USP39: variants seen among roughly 807,000 people sequenced by gnomAD.
USP39 encodes ubiquitin specific peptidase 39.
In USP39, 38 loss-of-function variants were observed where a neutral mutation model predicts 66.4. That is an observed-to-expected ratio of 0.57 (90% CI 0.44 to 0.75). USP39 has a LOEUF of 0.75. Ranked by LOEUF, USP39 falls within the 30% of genes least tolerant of loss-of-function variation. The pLI is 0.00. For missense variants in USP39, 608 were observed against 714.4 expected (o/e 0.85, Z 1.70); for synonymous variants, 303 against 274.6 (o/e 1.10, Z -1.02).
chr2:85,643,083 A>G (rs934946059), intron 10 of USP39, among the ~76,000 whole-genome samples: 3 of 152,100 alleles, frequency 2.0e-5, no homozygotes, highest in Admixed American at 1.3e-4. Flanking sequence ...CTAAAAAAAA[A>G]AAAAAAATGA....
chr2:85,621,245 A>G (rs1674434259), intron 2 of USP39: 2 of 399,594 alleles, frequency 5.0e-6, no homozygotes, highest in Admixed American at 3.7e-5. Context: ...ACTGGTTACA[A>G]ACACTAATGA....
chr2:85,603,507 T>C (rs928361483), intron 1 of USP39, among the ~76,000 whole-genome samples: 2 of 151,248 alleles, frequency 1.3e-5, no homozygotes, highest in Non-Finnish European at 2.9e-5. Context: ...CAGGATAGTG[T>C]GGGAAAAATT....
chr2:85,641,156 G>T, intron 10 of USP39, 38 bp downstream of exon 10: 1 of 1,605,854 alleles, frequency 6.2e-7, no homozygotes, highest in South Asian at 1.1e-5. Context: ...CACGGGGAGT[G>T]AACCTGGATT....
intron 2 of USP39, among the ~76,000 whole-genome samples, chr2:85,619,634 T>C (rs1414244282): frequency 6.6e-6 from 1 of 151,486 alleles, no homozygotes; most frequent in Non-Finnish European, 1.5e-5. Flanking sequence ...GTTTGAAAGC[T>C]GAGGTAGTTT....
intron 6 of USP39, among the ~76,000 whole-genome samples, chr2:85,634,525 A>T: frequency 6.6e-6 from 1 of 152,140 alleles, no homozygotes; most frequent in Admixed American, 6.5e-5. Context: ...AGTGAGCTGA[A>T]GTTGCATCAC....
chr2:85,626,871 C>G (rs1674906902), intron 5 of USP39, among the ~76,000 whole-genome samples: 1 of 151,966 alleles, frequency 6.6e-6, no homozygotes, highest in Non-Finnish European at 1.5e-5. Flanking sequence ...GCGCCTGCCA[C>G]TGTGCCTGGC....
intron 5 of USP39, among the ~76,000 whole-genome samples, chr2:85,630,120 C>G (rs1181386230): frequency 6.6e-6 from 1 of 151,660 alleles, no homozygotes; most frequent in African/African-American, 2.4e-5. Flanking sequence ...CACCACCCCC[C>G]ACACTCTTTC....
At chr2:85,606,667 A>G (rs1487498697) in intron 1 of USP39, 1 of 152,256 alleles carries the variant, frequency 6.6e-6, no homozygotes, top group Non-Finnish European at 1.5e-5. Context: ...CTCAAGAAAA[A>G]AAGTTTAATA....
chr2:85,608,765 C>T, upstream of USP39: 1 of 249,114 alleles, frequency 4.0e-6, no homozygotes, highest in South Asian at 7.1e-5. Context: ...AATGGGTCAA[C>T]ATATAAGAAA....
At chr2:85,630,641 A>C in intron 5 of USP39, 80 bp from the exon 6 acceptor site, 1 of 1,370,536 alleles carries the variant, frequency 7.3e-7, no homozygotes, top group Non-Finnish European at 1.0e-6. Flanking sequence ...AAATTCTATT[A>C]GGAGAACTTT....
In USP39 at chr2:85,645,050, C is replaced by T. The variant is rs764885741; in HGVS notation, c.1530C>T (p.Ser510=). 3.3e-5 allele frequency: 54 copies of T among 1,614,028 alleles called. No individual in the cohort carries two copies. Among genetic ancestry groups the T allele is most frequent in the Non-Finnish European group, 4.2e-5 (49 of 1,180,032 alleles). ...ACATCGTGCATGACGGCAAGCCCTC[C>T]GAGGGCTCCTACCGGATCCACGTGC... ...IANIVHDGKP[S]EGSYRIHVLH... The change falls in exon 11 of 13, where the codon TCC becomes TCT. Residue 510 remains serine (S), a synonymous_variant. Coordinates refer to ENST00000323701, the MANE Select transcript of USP39 (RefSeq NM_006590.4).
upstream of USP39, chr2:85,609,653 G>A (rs1247398380): frequency 1.3e-6 from 2 of 1,573,586 alleles, no homozygotes; most frequent in Non-Finnish European, 1.7e-6. Flanking sequence ...CCATAGAGAT[G>A]CTGCAGGAAA....
At position 85,641,037 on chromosome 2, in the gene USP39, A is replaced by G; in HGVS notation, c.1346A>G (p.Tyr449Cys). The G allele has an allele frequency of 6.2e-7, 1 of 1,613,962 alleles. No homozygotes were observed. Among genetic ancestry groups the G allele is most frequent in the Non-Finnish European group, 8.5e-7 (1 of 1,179,950 alleles). Residue 449 changes from tyrosine to cysteine, a missense_variant, in exon 10 of 13, where the codon TAT becomes TGT. Coordinates refer to ENST00000323701, the MANE Select transcript of USP39 (RefSeq NM_006590.4). ...KRFQLTKLPPYLIFCIKRFTK... is the reference protein window; with the variant it reads ...KRFQLTKLPPCLIFCIKRFTK... ...TTCCAGCTTACCAAGTTGCCTCCAT[A>G]TCTAATCTTTTGTATCAAGAGATTC...
chr2:85,611,199 G>A (rs983494007), upstream of USP39: 4 of 1,144,010 alleles, frequency 3.5e-6, no homozygotes, highest in African/African-American at 6.6e-5. Context: ...CAGAGACCTA[G>A]TCTCAAAAAT....
upstream of USP39, chr2:85,611,910 GA>G: frequency 3.1e-6 from 5 of 1,592,780 alleles, no homozygotes; most frequent in Non-Finnish European, 4.3e-6. Context: ...TATGGTGCAC[GA>G]AGCCGTGGTT....
intron 8 of USP39, among the ~76,000 whole-genome samples, chr2:85,638,378 A>G (rs570751284): frequency 6.6e-6 from 1 of 151,634 alleles, no homozygotes; most frequent in South Asian, 2.1e-4. Context: ...TCTGTCACTC[A>G]GGCTGAGTGT....
In USP39 at chr2:85,639,405, A is replaced by ACAC. The variant is rs1275316988; in HGVS notation, c.1284+16_1284+18dup. ...ATCACTGAGAAGGTAGCCCATTAACACACCTGCCCTGCCTATACTTACCCT... is the reference window on the plus strand; with the variant it reads ...ATCACTGAGAAGGTAGCCCATTAACACACCACCTGCCCTGCCTATACTTACCCT... On this transcript the variant is annotated intron_variant, in intron 9 of 12. Transcript: ENST00000323701. The ACAC allele has an allele frequency of 2.5e-6, 4 of 1,608,688 alleles. No individual in the cohort carries two copies. The highest frequency in any genetic ancestry group is 3.4e-6 in the Non-Finnish European group (4 of 1,177,404).
chr2:85,621,077 C>CAA (rs1674420239), intron 2 of USP39: 1 of 154,350 alleles, frequency 6.5e-6, no homozygotes, highest in Admixed American at 6.4e-5. Context: ...TCATTAGTCA[C>CAA]AAACTCCTGG....
At chr2:85,620,781 T>C (rs1452209101) in intron 2 of USP39, among the ~76,000 whole-genome samples, 1 of 152,150 alleles carries the variant, frequency 6.6e-6, no homozygotes, top group Non-Finnish European at 1.5e-5. Context: ...TCTAATAAAT[T>C]AGACAGCATA....
Sources: allele counts gnomAD v4.1 joint callset (sites outside exome capture counted in the v4.1 genomes callset), GRCh38; gene constraint gnomAD v4.1.1; transcripts MANE v1.5; gene names NCBI Gene and HGNC (gene_info 2026-07-23, HGNC 2026-07-21).